PLXDC2: variants seen among roughly 807,000 people sequenced by gnomAD.
PLXDC2 encodes plexin domain-containing protein 2.
In PLXDC2, 40 loss-of-function variants were observed where a neutral mutation model predicts 68.9. That is an observed-to-expected ratio of 0.58 (90% confidence interval 0.45 to 0.76). The LOEUF (loss-of-function observed/expected upper bound fraction) is 0.76. PLXDC2 is among the 30% of genes least tolerant of loss of function. The probability of loss-of-function intolerance (pLI) is 0.00; values close to 1 mark genes in which losing one functional copy is unlikely to be tolerated. For missense variants in PLXDC2, 644 were observed against 661.9 expected, an observed-to-expected ratio of 0.97 and a Z score of 0.30; for synonymous variants, 243 against 234.2, an observed-to-expected ratio of 1.04 and a Z score of -0.34.
At chr10:20,078,274 T>G (rs10437425) in intron 4 of PLXDC2, among the ~76,000 whole-genome samples, 70,026 of 152,038 alleles carry the variant, frequency 0.46, 19,812 homozygotes, top group African/African-American at 0.79. Context: ...TCCCAGCTTC[T>G]CAGGAGGCTG....
At chr10:20,183,464 C>T (rs1312222151) in intron 9 of PLXDC2, among the ~76,000 whole-genome samples, 1 of 151,862 alleles carries the variant, frequency 6.6e-6, no homozygotes, top group Non-Finnish European at 1.5e-5. Context: ...TGAGAAACAA[C>T]AATATTTGTC....
intron 13 of PLXDC2, among the ~76,000 whole-genome samples, chr10:20,257,127 G>C (rs1293233529): frequency 6.6e-6 from 1 of 152,176 alleles, no homozygotes; most frequent in Non-Finnish European, 1.5e-5. Flanking sequence ...CCAACTCATT[G>C]TAAAGACTTT....
intron 1 of PLXDC2, among the ~76,000 whole-genome samples, chr10:19,817,748 C>CGCTGGAAGG (rs1564597874): frequency 2.0e-5 from 3 of 152,202 alleles, no homozygotes; most frequent in African/African-American, 7.2e-5. Context: ...TAAATGCGGC[C>CGCTGGAAGG]GGCGCAGAGG....
At chr10:20,088,684 GTC>G (rs1361551666) in intron 4 of PLXDC2, among the ~76,000 whole-genome samples, 1 of 152,098 alleles carries the variant, frequency 6.6e-6, no homozygotes, top group Non-Finnish European at 1.5e-5. Flanking sequence ...TTCACATCTT[GTC>G]TCTGCTATTT....
intron 3 of PLXDC2, among the ~76,000 whole-genome samples, chr10:20,052,735 A>AG (rs1835926447): frequency 6.6e-6 from 1 of 151,118 alleles, no homozygotes; most frequent in Non-Finnish European, 1.5e-5. Flanking sequence ...AAAAAAAAAA[A>AG]AAAAAAGAAA....
intron 4 of PLXDC2, among the ~76,000 whole-genome samples, chr10:20,070,123 C>T (rs1408512681): frequency 6.6e-6 from 1 of 151,892 alleles, no homozygotes; most frequent in Non-Finnish European, 1.5e-5. Context: ...GGTATCTTTA[C>T]CAAAAAATGT....
intron 1 of PLXDC2, among the ~76,000 whole-genome samples, chr10:19,913,868 A>C (rs2131375839): frequency 6.6e-6 from 1 of 152,276 alleles, no homozygotes; most frequent in South Asian, 2.1e-4. Context: ...GTTAATTTCA[A>C]CTACAGCTTT....
chr10:20,169,719 G>T (rs1219166731), intron 7 of PLXDC2, among the ~76,000 whole-genome samples: 1 of 152,122 alleles, frequency 6.6e-6, no homozygotes, highest in Non-Finnish European at 1.5e-5. Flanking sequence ...ATGCCATGTG[G>T]TTCTTTAATT....
intron 2 of PLXDC2, among the ~76,000 whole-genome samples, chr10:20,018,732 A>G (rs1835254181): frequency 6.6e-6 from 1 of 152,030 alleles, no homozygotes; most frequent in Admixed American, 6.6e-5. Context: ...ATACTGAAAC[A>G]TTTTAGACTT....
chr10:19,828,467 C>G (rs559012510), intron 1 of PLXDC2, among the ~76,000 whole-genome samples: 66 of 152,202 alleles, frequency 4.3e-4, no homozygotes, highest in African/African-American at 1.5e-3. Context: ...CCATGACTGG[C>G]TACGGCTCTG....
At chr10:20,177,152 C>G in intron 8 of PLXDC2, 58 bp downstream of exon 8, 1 of 1,420,110 alleles carries the variant, frequency 7.0e-7, no homozygotes, top group South Asian at 1.2e-5. Context: ...ATGATCTGAT[C>G]TGTTCAATAG....
chr10:20,121,048 G>A (rs184035870), intron 4 of PLXDC2, among the ~76,000 whole-genome samples: 4 of 152,276 alleles, frequency 2.6e-5, no homozygotes, highest in Admixed American at 1.3e-4. Flanking sequence ...GTGGGAGGCC[G>A]GATTGAAGTC....
chr10:20,232,202 T>C (rs575466455), intron 12 of PLXDC2, among the ~76,000 whole-genome samples: 174 of 152,256 alleles, frequency 1.1e-3, no homozygotes, highest in Non-Finnish European at 2.3e-3. Context: ...TTAGGATAGC[T>C]AAACACTACA....
chr10:19,858,407 T>A (rs1470090713), intron 1 of PLXDC2, among the ~76,000 whole-genome samples: 4 of 152,206 alleles, frequency 2.6e-5, no homozygotes, highest in Admixed American at 1.3e-4. Context: ...CAACGAATAC[T>A]TGTTGAATAA....
intron 3 of PLXDC2, among the ~76,000 whole-genome samples, chr10:20,058,835 A>G (rs9664354): frequency 0.088 from 13,432 of 152,240 alleles, 1,259 homozygotes; most frequent in African/African-American, 0.24. Flanking sequence ...AGTTCTGTCA[A>G]TGGAAAATTT....
chr10:19,935,854 T>C (rs1833714630), intron 1 of PLXDC2, among the ~76,000 whole-genome samples: 1 of 152,196 alleles, frequency 6.6e-6, no homozygotes, highest in African/African-American at 2.4e-5. Flanking sequence ...GTGAACATTC[T>C]AGTACAACCA....
At position 20,068,162 on chromosome 10, in the gene PLXDC2, C is replaced by A; in HGVS notation, c.472-8C>A. ...ATTGATTTTTTTCTCTGGTGTTGTT[C>A]TTTGCAGAGAGTGAATCTGTCCTTC... On this transcript the variant is annotated splice_polypyrimidine_tract_variant and splice_region_variant and intron_variant, in intron 3 of 13. Coordinates refer to ENST00000377252, the MANE Select transcript of PLXDC2 (RefSeq NM_032812.9). The A allele has an allele frequency of 1.2e-6, 2 of 1,609,166 alleles. No homozygotes were observed. The highest frequency in any genetic ancestry group is 1.3e-5 in the African/African-American group (1 of 74,884).
chr10:19,955,993 C>T (rs1051752835), intron 1 of PLXDC2, among the ~76,000 whole-genome samples: 8 of 152,060 alleles, frequency 5.3e-5, no homozygotes, highest in South Asian at 2.1e-4. Flanking sequence ...ACAGGAGAAT[C>T]GCTTGAATCC....
intron 6 of PLXDC2, among the ~76,000 whole-genome samples, chr10:20,149,305 C>G (rs1019832726): frequency 8.7e-5 from 10 of 114,844 alleles, no homozygotes; most frequent in African/African-American, 3.3e-4. Flanking sequence ...ATGGCCAGAT[C>G]TTGCCTCACC....
Sources: allele counts gnomAD v4.1 joint callset (sites outside exome capture counted in the v4.1 genomes callset), GRCh38; gene constraint gnomAD v4.1.1; transcripts MANE v1.5; gene names NCBI Gene and HGNC (gene_info 2026-07-23, HGNC 2026-07-21).